Variants in APP observed in about 807,000 individuals in gnomAD.
APP encodes amyloid-beta precursor protein.
A neutral mutation model predicts 101.4 loss-of-function variants in APP; 31 were observed. That is an observed-to-expected ratio of 0.31 (90% confidence interval 0.23 to 0.41). APP has a LOEUF of 0.41. Among genes scored for constraint, APP ranks in the 10% least tolerant of loss-of-function variants. APP has a pLI of 1.00. For synonymous variants in APP, 366 were observed against 364.4 expected, an observed-to-expected ratio of 1.00 and a Z score of -0.05; for missense variants, 839 against 1,003.7, an observed-to-expected ratio of 0.84 and a Z score of 2.22.
chr21:26,086,344 G>C (rs2061702154), intron 3 of APP, among the ~76,000 whole-genome samples: 1 of 152,154 alleles, frequency 6.6e-6, no homozygotes, highest in Non-Finnish European at 1.5e-5. Context: ...ACAGCAACCT[G>C]ACATACTTTC....
intron 1 of APP, 146 bp downstream of exon 1, chr21:26,170,418 G>A (rs2146415150): frequency 3.5e-6 from 3 of 865,654 alleles, no homozygotes; most frequent in Non-Finnish European, 3.5e-6. Flanking sequence ...GGGATGCGCT[G>A]GACGTCCGCA....
chr21:25,890,610 G>A (rs558482306), intron 17 of APP, among the ~76,000 whole-genome samples: 16 of 151,306 alleles, frequency 1.1e-4, no homozygotes, highest in African/African-American at 3.9e-4. Flanking sequence ...ATGGTGGCGT[G>A]TGCCCATAGT....
chr21:25,898,983 GGTA>G (rs1014966025), intron 15 of APP, among the ~76,000 whole-genome samples: 41 of 152,150 alleles, frequency 2.7e-4, no homozygotes, highest in African/African-American at 8.7e-4. Context: ...ACAAGGAGAA[GGTA>G]AGGATAATCT....
At chr21:26,053,543 G>T in intron 3 of APP, 195 bp from the exon 4 acceptor site, 1 of 506,666 alleles carries the variant, frequency 2.0e-6, no homozygotes, top group East Asian at 3.3e-5. Flanking sequence ...GCCACTTCAA[G>T]TTTGATGGTT....
intron 11 of APP, among the ~76,000 whole-genome samples, chr21:25,971,911 A>G (rs1311808828): frequency 6.6e-6 from 1 of 152,232 alleles, no homozygotes; most frequent in African/African-American, 2.4e-5. Context: ...AAGTAACTCA[A>G]CTATGTGACA....
At chr21:25,892,761 T>C (rs17001473) in intron 16 of APP, among the ~76,000 whole-genome samples, 2,586 of 152,324 alleles carry the variant, frequency 0.017, 76 homozygotes, top group African/African-American at 0.058. Flanking sequence ...GTCATTATTT[T>C]TCAACTTTAT....
intron 1 of APP, among the ~76,000 whole-genome samples, chr21:26,132,781 C>G (rs2062821662): frequency 6.6e-6 from 1 of 152,180 alleles, no homozygotes; most frequent in Non-Finnish European, 1.5e-5. Flanking sequence ...GTTAAAATCA[C>G]TTCTAAAGAA....
intron 1 of APP, among the ~76,000 whole-genome samples, chr21:26,146,210 C>T (rs565158483): frequency 6.6e-6 from 1 of 152,320 alleles, no homozygotes; most frequent in East Asian, 1.9e-4. Context: ...GTGGCTCACA[C>T]CTGTAATCCC....
Position 25,884,946 on chromosome 21 carries a change from C to T in APP, c.2212-3175G>A, listed in dbSNP as rs1352113559. 3.9e-5 allele frequency among the ~76,000 whole-genome samples: 6 copies of T among 152,188 alleles called. No individual in the cohort carries two copies. The East Asian group carries it at 7.7e-4, about 20-fold the overall frequency. ...GCTTAAGAGTGCCCTGCTAGAGATGCGAGGCTCCAAGGCTGGTGCACAATC... is the reference window on the plus strand; with the variant it reads ...GCTTAAGAGTGCCCTGCTAGAGATGTGAGGCTCCAAGGCTGGTGCACAATC... On this transcript the variant is annotated intron_variant, in intron 17 of 17. Transcript: ENST00000346798.
intron 11 of APP, among the ~76,000 whole-genome samples, chr21:25,968,542 T>C (rs1388731365): frequency 1.3e-5 from 2 of 152,138 alleles, no homozygotes; most frequent in East Asian, 3.9e-4. Context: ...AGGTTGACCA[T>C]TCAGTGTATT....
intron 5 of APP, among the ~76,000 whole-genome samples, chr21:26,022,662 A>G (rs2044393712): frequency 6.6e-6 from 1 of 152,186 alleles, no homozygotes; most frequent in South Asian, 2.1e-4. Flanking sequence ...TGAAAAATGT[A>G]GTCCATTATA....
intron 3 of APP, among the ~76,000 whole-genome samples, chr21:26,055,507 C>T (rs2046004825): frequency 6.6e-6 from 1 of 152,060 alleles, no homozygotes; most frequent in African/African-American, 2.4e-5. Context: ...TACACCATTC[C>T]CAGGTGGATT....
rs1167540118 is a variant in APP at position 25,907,395 on chromosome 21, CAAAGT to C, written c.1910-2323_1910-2319del. Among the ~76,000 whole-genome samples, 5 of 152,246 alleles carry C rather than the reference CAAAGT, an allele frequency of 3.3e-5. 1 individual carries two copies. The South Asian group carries it at 8.3e-4, about 25-fold the overall frequency. On this transcript the variant is annotated intron_variant, in intron 14 of 17. Coordinates refer to ENST00000346798, the MANE Select transcript of APP (RefSeq NM_000484.4). ...AAAAAAAGAATACACACCAACAAAA[CAAAGT>C]AGTGTGTTATTTCCCAATCCACTGC...
At chr21:26,086,825 T>C (rs1007668191) in intron 3 of APP, among the ~76,000 whole-genome samples, 17 of 152,196 alleles carry the variant, frequency 1.1e-4, no homozygotes, top group African/African-American at 4.1e-4. Flanking sequence ...GAATATTTGT[T>C]TTAAAACAAA....
At chr21:26,105,861 C>A (rs138451449) in intron 2 of APP, among the ~76,000 whole-genome samples, 8 of 152,214 alleles carry the variant, frequency 5.3e-5, no homozygotes, top group Admixed American at 4.6e-4. Context: ...CTAATCCATA[C>A]CCACTGTGTT....
rs35206910 is a variant in APP at position 26,017,198 on chromosome 21, C to CAAAAAAAAAAA, written c.865+4631_865+4641dup. ...TGGGTGACAGAGCGAGACTGTATCT[C>CAAAAAAAAAAA]AAAAAAAAAAAAAAAAAAAATTCTT... On this transcript the variant is annotated intron_variant, in intron 6 of 17. Transcript: ENST00000346798. Among the ~76,000 whole-genome samples the CAAAAAAAAAAA allele has an allele frequency of 2.1e-4, 12 of 56,362 alleles. 2 individuals are homozygous for CAAAAAAAAAAA. Among genetic ancestry groups the CAAAAAAAAAAA allele is most frequent in the African/African-American group, 1.0e-3 (12 of 11,810 alleles). The allele number at this position is 56,362 out of a possible 152,430, so 37.0% of individuals were successfully genotyped here. A position where few individuals can be genotyped will look rare whatever the true frequency, so the allele number is the denominator to read the frequency against.
At chr21:26,134,526 G>A (rs2062856462) in intron 1 of APP, among the ~76,000 whole-genome samples, 1 of 152,182 alleles carries the variant, frequency 6.6e-6, no homozygotes, top group Non-Finnish European at 1.5e-5. Flanking sequence ...AGATGCACGG[G>A]GTGAGGTGCG....
chr21:25,916,650 C>A (rs1384706330), intron 13 of APP, among the ~76,000 whole-genome samples: 1 of 152,138 alleles, frequency 6.6e-6, no homozygotes, highest in African/African-American at 2.4e-5. Flanking sequence ...ACTCTGATGG[C>A]CTGCAATGGG....
chr21:25,903,813 A>T (rs945104313), intron 15 of APP, among the ~76,000 whole-genome samples: 1 of 152,238 alleles, frequency 6.6e-6, no homozygotes. Flanking sequence ...TACAGACAGA[A>T]ATTCATAAAT....
Sources: gnomAD v4.1 joint callset for allele counts (sites outside exome capture counted in the v4.1 genomes callset) on GRCh38, gnomAD v4.1.1 for gene constraint, MANE v1.5 for transcripts, NCBI Gene and HGNC (gene_info 2026-07-23, HGNC 2026-07-21) for gene names.